The following PTPRD variants were observed in gnomAD, a reference collection of about 807,000 sequenced individuals.
PTPRD encodes receptor-type tyrosine-protein phosphatase delta.
PTPRD carries 34 observed loss-of-function variants against 214.5 expected under a neutral mutation model. That is an observed-to-expected ratio of 0.16 (90% CI 0.12 to 0.21). The LOEUF (loss-of-function observed/expected upper bound fraction) is 0.21, where lower values mean the gene tolerates loss of function less well. Among genes scored for constraint, PTPRD ranks in the 10% least tolerant of loss-of-function variants. PTPRD has a pLI of 1.00. For synonymous variants in PTPRD, 1,128 were observed against 845.7 expected (o/e 1.33, Z -5.79); for missense variants, 2,545 against 2,398.7 (o/e 1.06, Z -1.27).
chr9:9,133,415 A>G (rs1021822357), intron 10 of PTPRD, among the ~76,000 whole-genome samples: 2 of 152,244 alleles, frequency 1.3e-5, no homozygotes, highest in Non-Finnish European at 2.9e-5. Flanking sequence ...AATAAATAAT[A>G]TGGATTCAGT....
At chr9:8,826,050 C>A (rs1234769747) in intron 11 of PTPRD, among the ~76,000 whole-genome samples, 1 of 152,128 alleles carries the variant, frequency 6.6e-6, no homozygotes, top group Non-Finnish European at 1.5e-5. Context: ...CCTCATTTTA[C>A]CCAGCTTTTA....
At chr9:9,735,357 T>C (rs2098274514) in intron 6 of PTPRD, among the ~76,000 whole-genome samples, 1 of 152,156 alleles carries the variant, frequency 6.6e-6, no homozygotes, top group South Asian at 2.1e-4. Flanking sequence ...TTTAAACATT[T>C]GATGGTAGCC....
intron 2 of PTPRD, among the ~76,000 whole-genome samples, chr9:10,504,771 T>C (rs2045328673): frequency 6.6e-6 from 1 of 152,210 alleles, no homozygotes; most frequent in African/African-American, 2.4e-5. Context: ...ATCTGTGTCT[T>C]CTTATTCCTA....
intron 9 of PTPRD, among the ~76,000 whole-genome samples, chr9:9,297,172 G>T (rs1257873642): frequency 1.3e-5 from 2 of 151,670 alleles, no homozygotes; most frequent in Non-Finnish European, 2.9e-5. Flanking sequence ...TATCTCCAGA[G>T]CCTCTTGGTC....
intron 9 of PTPRD, among the ~76,000 whole-genome samples, chr9:9,300,517 G>A (rs1364483408): frequency 1.3e-5 from 2 of 151,752 alleles, no homozygotes; most frequent in African/African-American, 4.8e-5. Flanking sequence ...TTCATGTGTT[G>A]AAATTGTAAC....
chr9:8,481,673 T>G (rs2096889201), intron 30 of PTPRD, among the ~76,000 whole-genome samples: 1 of 152,212 alleles, frequency 6.6e-6, no homozygotes, highest in African/African-American at 2.4e-5. Context: ...GACCTTTATT[T>G]TAGTCTTTTG....
At chr9:8,925,602 A>G (rs1203871142) in intron 11 of PTPRD, among the ~76,000 whole-genome samples, 1 of 126,104 alleles carries the variant, frequency 7.9e-6, no homozygotes, top group Non-Finnish European at 1.6e-5. Context: ...TCATCTGATG[A>G]GGATGGTTAC....
intron 2 of PTPRD, among the ~76,000 whole-genome samples, chr9:10,554,691 C>T (rs117899545): frequency 0.014 from 2,180 of 151,874 alleles, 26 homozygotes; most frequent in Non-Finnish European, 0.021. Context: ...GATGGAGTCT[C>T]GCTTTGTCGC....
chr9:9,491,704 G>C lies in PTPRD; in HGVS notation c.-237+83028C>G, dbSNP rs2095907050. 2.0e-5 allele frequency among the ~76,000 whole-genome samples: 3 copies of C among 151,900 alleles called. No homozygotes were observed. In the South Asian group the frequency reaches 6.2e-4, roughly 31 times the overall value. On this transcript the variant is annotated intron_variant, in intron 8 of 45. Coordinates refer to ENST00000381196, the MANE Select transcript of PTPRD (RefSeq NM_002839.4). The stretch of plus-strand genomic sequence containing the variant: ...AACTAATGGGCCAAAGGAGAAATCA[G>C]AGAGAAAATTTAAAATATTTAGAGA...
intron 7 of PTPRD, among the ~76,000 whole-genome samples, chr9:9,690,075 C>G (rs2097240500): frequency 6.6e-6 from 1 of 151,862 alleles, no homozygotes. Flanking sequence ...ATACTATTTT[C>G]CCTAGTAGCT....
intron 5 of PTPRD, among the ~76,000 whole-genome samples, chr9:9,937,678 C>A (rs1404175460): frequency 6.6e-6 from 1 of 152,134 alleles, no homozygotes; most frequent in African/African-American, 2.4e-5. Flanking sequence ...TAGCATTTGT[C>A]CTAGTACTGT....
chr9:10,578,861 T>C (rs1024298130), intron 2 of PTPRD, among the ~76,000 whole-genome samples: 1 of 151,962 alleles, frequency 6.6e-6, no homozygotes, highest in Non-Finnish European at 1.5e-5. Context: ...CCAATAGTCG[T>C]GTTTTGTTTT....
At chr9:8,920,911 T>G (rs2098823088) in intron 11 of PTPRD, among the ~76,000 whole-genome samples, 1 of 152,126 alleles carries the variant, frequency 6.6e-6, no homozygotes, top group Non-Finnish European at 1.5e-5. Context: ...CCGCACAGGA[T>G]CAAGCGATTC....
chr9:9,113,490 C>G (rs2154454866), intron 10 of PTPRD, among the ~76,000 whole-genome samples: 1 of 152,144 alleles, frequency 6.6e-6, no homozygotes, highest in Non-Finnish European at 1.5e-5. Context: ...CTAAAATAAT[C>G]AAAGTCAGTC....
chr9:9,266,299 G>C (rs771282678), intron 9 of PTPRD, among the ~76,000 whole-genome samples: 6 of 151,174 alleles, frequency 4.0e-5, no homozygotes, highest in African/African-American at 1.5e-4. Flanking sequence ...GACAGCAATA[G>C]AATAATAGTA....
intron 12 of PTPRD, among the ~76,000 whole-genome samples, chr9:8,642,630 T>C (rs2096602398): frequency 6.6e-6 from 1 of 151,852 alleles, no homozygotes; most frequent in Non-Finnish European, 1.5e-5. Context: ...TGGGGTCTGG[T>C]GGGAAATGCA....
intron 2 of PTPRD, among the ~76,000 whole-genome samples, chr9:10,595,918 GA>G (rs2076531163): frequency 6.6e-6 from 1 of 151,734 alleles, no homozygotes; most frequent in Non-Finnish European, 1.5e-5. Flanking sequence ...CGATCTAAAA[GA>G]GAAAGGATCA....
At chr9:10,379,708 G>T (rs751293592) in intron 2 of PTPRD, among the ~76,000 whole-genome samples, 2 of 151,960 alleles carry the variant, frequency 1.3e-5, no homozygotes, top group African/African-American at 4.8e-5. Flanking sequence ...GCATTAGTTT[G>T]ATGGTTGTGC....
intron 12 of PTPRD, among the ~76,000 whole-genome samples, chr9:8,727,247 A>G (rs2098594655): frequency 6.6e-6 from 1 of 152,238 alleles, no homozygotes; most frequent in South Asian, 2.1e-4. Context: ...ACTATACTCA[A>G]TAAAAAATGC....
Sources: allele counts gnomAD v4.1 joint callset (sites outside exome capture counted in the v4.1 genomes callset), GRCh38; gene constraint gnomAD v4.1.1; transcripts MANE v1.5; gene names NCBI Gene and HGNC (gene_info 2026-07-23, HGNC 2026-07-21).